Variants in DNAH14 observed in about 807,000 individuals in gnomAD.
The protein encoded by DNAH14 is axonemal beta dynein heavy chain 14.
DNAH14 carries 478 observed loss-of-function variants against 520.9 expected under a neutral mutation model. That is an observed-to-expected ratio of 0.92 (90% CI 0.85 to 0.99). DNAH14 has a LOEUF of 0.99. Among genes scored for constraint, DNAH14 ranks in the 50% least tolerant of loss-of-function variants. The pLI, the probability that DNAH14 is intolerant of heterozygous loss-of-function variation, is 0.00. For synonymous variants in DNAH14, 1,581 were observed against 1,757.2 expected, an observed-to-expected ratio of 0.90 and a Z score of 2.51; for missense variants, 4,831 against 5,234.5, an observed-to-expected ratio of 0.92 and a Z score of 2.38.
chr1:225,228,597 C>G (rs2090783561), intron 41 of DNAH14, among the ~76,000 whole-genome samples: 1 of 139,976 alleles, frequency 7.1e-6, no homozygotes, highest in African/African-American at 2.6e-5. Flanking sequence ...CTGGATAGAC[C>G]CCCCACTCCT....
rs114173554 is a variant in DNAH14 at position 225,023,549 on chromosome 1, C to G, written c.1108-66C>G. 9.6e-4 allele frequency: 1,260 copies of G among 1,313,306 alleles called. 8 individuals carry two copies. The African/African-American group carries it at 0.017, about 18-fold the overall frequency. 81.4% of individuals were successfully genotyped at this position (1,313,306 alleles called of 1,614,324 possible). On this transcript the variant is annotated intron_variant, in intron 10 of 85. Transcript: ENST00000682510. Reference sequence around the variant, plus strand: ...ATTGAAGTTGATAAAAAAAACTAAACTAGAAATCATGCTATATTAACAAAG... The same window carrying G: ...ATTGAAGTTGATAAAAAAAACTAAAGTAGAAATCATGCTATATTAACAAAG...
chr1:225,264,403 C>T, intron 47 of DNAH14, 142 bp downstream of exon 47: 1 of 761,580 alleles, frequency 1.3e-6, no homozygotes. Flanking sequence ...AACTATCCCA[C>T]ACCCTCTCAA....
At chr1:225,335,379 A>ACATGTGTGTG (rs1558428129) in intron 66 of DNAH14, among the ~76,000 whole-genome samples, 1 of 44,516 alleles carries the variant, frequency 2.2e-5, no homozygotes, top group South Asian at 9.0e-4. Flanking sequence ...ATGTGTGTGT[A>ACATGTGTGTG]TATGCACATA....
At chr1:225,147,316 A>G in intron 31 of DNAH14, 67 bp downstream of exon 31, 1 of 1,366,412 alleles carries the variant, frequency 7.3e-7, no homozygotes, top group Non-Finnish European at 9.4e-7. Flanking sequence ...TTAGTTAATT[A>G]TTGTTAAATA....
chr1:225,343,023 G>A (rs192057083), intron 69 of DNAH14, among the ~76,000 whole-genome samples: 95 of 152,298 alleles, frequency 6.2e-4, no homozygotes, highest in African/African-American at 2.0e-3. Context: ...TCAGTGCAAT[G>A]TCTTGTATCA....
At chr1:225,254,930 A>G (rs2092686297) in intron 44 of DNAH14, among the ~76,000 whole-genome samples, 2 of 152,308 alleles carry the variant, frequency 1.3e-5, no homozygotes, top group South Asian at 2.1e-4. Context: ...AACAAAGAAT[A>G]AAGTAGTCAG....
At chr1:225,204,295 A>G (rs1334405517) in intron 39 of DNAH14, 22 bp downstream of exon 39, 14 of 1,318,934 alleles carry the variant, frequency 1.1e-5, no homozygotes, top group South Asian at 7.5e-5. Context: ...TAAATTCAAG[A>G]AAGATTATTA....
intron 60 of DNAH14, among the ~76,000 whole-genome samples, chr1:225,316,936 A>G (rs2094479374): frequency 6.6e-6 from 1 of 152,222 alleles, no homozygotes; most frequent in Admixed American, 6.5e-5. Context: ...AATTGATCAA[A>G]TGTGTTTTTC....
intron 17 of DNAH14, among the ~76,000 whole-genome samples, chr1:225,059,965 C>T (rs2929630): frequency 1 from 151,344 of 151,820 alleles, 75,436 homozygotes; most frequent in East Asian, 1. Flanking sequence ...TAACATTTTT[C>T]CCTTCATTTC....
chr1:225,392,366 A>T lies in DNAH14; in HGVS notation c.13406A>T (p.His4469Leu). ...IAVDALTFTH[H>L]VISNTTDKDE... The stretch of plus-strand genomic sequence containing the variant: ...GTGGATGCCCTCACCTTCACCCACC[A>T]TGTGATTTCCAACACCACTGACAAG... The change falls in exon 84 of 86, where the codon CAT becomes CTT. Residue 4469 changes from histidine to leucine, a missense_variant. Coordinates refer to ENST00000682510, the MANE Select transcript of DNAH14 (RefSeq NM_001367479.1). The T allele has an allele frequency of 6.4e-7, 1 of 1,552,324 alleles. No individual in the cohort carries two copies. Among genetic ancestry groups the T allele is most frequent in the South Asian group, 1.2e-5 (1 of 84,066 alleles).
At chr1:225,245,547 T>G (rs2092233340) in intron 43 of DNAH14, among the ~76,000 whole-genome samples, 1 of 152,010 alleles carries the variant, frequency 6.6e-6, no homozygotes, top group African/African-American at 2.4e-5. Flanking sequence ...TATACACCAA[T>G]ATAGGCAATA....
intron 41 of DNAH14, among the ~76,000 whole-genome samples, chr1:225,216,514 A>G (rs1391112142): frequency 1.3e-5 from 2 of 152,298 alleles, no homozygotes; most frequent in African/African-American, 2.4e-5. Flanking sequence ...CCATTCTCCC[A>G]GTCACTTTCT....
chr1:225,218,834 AC>A (rs2089727482), intron 41 of DNAH14, among the ~76,000 whole-genome samples: 1 of 152,172 alleles, frequency 6.6e-6, no homozygotes, highest in African/African-American at 2.4e-5. Context: ...AGAACTCTCC[AC>A]CCTAAATCTA....
intron 60 of DNAH14, among the ~76,000 whole-genome samples, chr1:225,309,077 C>T (rs138079705): frequency 9.2e-5 from 14 of 152,288 alleles, no homozygotes; most frequent in African/African-American, 3.4e-4. Flanking sequence ...TAGCCCAAAG[C>T]TCAACAAATA....
intron 8 of DNAH14, among the ~76,000 whole-genome samples, chr1:224,983,719 T>G (rs1178605146): frequency 6.6e-6 from 1 of 152,174 alleles, no homozygotes; most frequent in Non-Finnish European, 1.5e-5. Flanking sequence ...ACAATATTAA[T>G]GTACACAAAT....
At chr1:225,286,070 T>C (rs1029053365) in intron 54 of DNAH14, among the ~76,000 whole-genome samples, 1 of 152,170 alleles carries the variant, frequency 6.6e-6, no homozygotes, top group Non-Finnish European at 1.5e-5. Context: ...CTACTGCATG[T>C]TCTCACTCAT....
intron 43 of DNAH14, among the ~76,000 whole-genome samples, chr1:225,245,328 G>A (rs951798878): frequency 6.6e-6 from 1 of 152,150 alleles, no homozygotes; most frequent in South Asian, 2.1e-4. Flanking sequence ...CTGTAGATTT[G>A]GGGTGGAGAG....
intron 19 of DNAH14, among the ~76,000 whole-genome samples, chr1:225,082,046 G>A (rs559667844): frequency 7.9e-5 from 12 of 152,014 alleles, no homozygotes; most frequent in African/African-American, 1.7e-4. Flanking sequence ...TGAGGTGGGC[G>A]GATCATTCGA....
At chr1:225,218,655 T>C (rs1387811135) in intron 41 of DNAH14, among the ~76,000 whole-genome samples, 2 of 152,146 alleles carry the variant, frequency 1.3e-5, no homozygotes, top group African/African-American at 4.8e-5. Flanking sequence ...AATACAAGAT[T>C]CATAAAGCAA....
Sources: allele counts gnomAD v4.1 joint callset (sites outside exome capture counted in the v4.1 genomes callset), GRCh38; gene constraint gnomAD v4.1.1; transcripts MANE v1.5; gene names NCBI Gene and HGNC (gene_info 2026-07-23, HGNC 2026-07-21).